CNTROB: variants seen among roughly 807,000 people sequenced by gnomAD.
The protein encoded by CNTROB is centrobin.
Under a neutral mutation model 115.7 loss-of-function variants are expected in CNTROB, and 82 were observed. That is an observed-to-expected ratio of 0.71 (90% CI 0.59 to 0.85). CNTROB has a LOEUF of 0.85. Ranked by LOEUF, CNTROB falls within the 40% of genes least tolerant of loss-of-function variation. CNTROB has a pLI of 0.00. For synonymous variants in CNTROB, 439 were observed against 456.4 expected, an observed-to-expected ratio of 0.96 and a Z score of 0.49; for missense variants, 1,014 against 1,144.4, an observed-to-expected ratio of 0.89 and a Z score of 1.64.
rs1368930397 is a variant in CNTROB at position 7,943,296 on chromosome 17, G to A, written c.1312-95G>A. 1.2e-6 allele frequency: 1 copy of A among 858,368 alleles called. No homozygotes were observed. The highest frequency in any genetic ancestry group is 1.8e-6 in the Non-Finnish European group (1 of 555,868). The allele number at this position is 858,368 out of a possible 1,614,324, so 53.2% of individuals were successfully genotyped here. A position where few individuals can be genotyped will look rare whatever the true frequency, so the allele number is the denominator to read the frequency against. ...TTCTTGTTCTTCATCTCATATGAGG[G>A]GAAAGTTGGTACTGGATTTTGTCTA... On this transcript the variant is annotated intron_variant, in intron 9 of 18. Transcript: ENST00000563694. This position sits in a 1 kb window ranked among gnomAD's most constrained non-coding sequence, Gnocchi z 4.7.
chr17:7,932,111 G>T, upstream of CNTROB: 1 of 509,146 alleles, frequency 2.0e-6, no homozygotes, highest in Admixed American at 3.4e-5. Flanking sequence ...GCGCACGCGC[G>T]GCCAGGCGCT....
At chr17:7,947,540 T>A in intron 13 of CNTROB, 31 bp from the exon 14 acceptor site, 1 of 1,571,182 alleles carries the variant, frequency 6.4e-7, no homozygotes, top group South Asian at 1.2e-5. Flanking sequence ...TGAACACACT[T>A]GCACCCACCC....
At chr17:7,934,850 T>C (rs1972952102) in intron 3 of CNTROB, 139 bp from the exon 4 acceptor site, 1 of 942,196 alleles carries the variant, frequency 1.1e-6, no homozygotes, top group Non-Finnish European at 1.6e-6. Context: ...TATAGCACTA[T>C]GGTTATATAG....
Position 7,948,810 on chromosome 17 carries a change from T to G in CNTROB, c.2513+191T>G. On this transcript the variant is annotated intron_variant, in intron 17 of 18. Transcript: ENST00000563694. This position sits in a 1 kb window ranked among gnomAD's most constrained non-coding sequence, Gnocchi z 4.4. ...CTTTTATCTCCTCCTTTCTATTGCT[T>G]TTTTCTTCTAAACAAAAAAATCTTT... The G allele has an allele frequency of 6.8e-7, 1 of 1,477,084 alleles. No individual in the cohort carries two copies. Among genetic ancestry groups the G allele is most frequent in the Non-Finnish European group, 9.0e-7 (1 of 1,113,746 alleles). 91.5% of individuals were successfully genotyped at this position (1,477,084 alleles called of 1,614,324 possible).
At position 7,948,787 on chromosome 17, in the gene CNTROB, T is replaced by C; in HGVS notation, c.2513+168T>C. 6.5e-7 allele frequency: 1 copy of C among 1,534,736 alleles called. No homozygotes were observed. Among genetic ancestry groups the C allele is most frequent in the Non-Finnish European group, 8.8e-7 (1 of 1,137,958 alleles). The stretch of plus-strand genomic sequence containing the variant: ...TTCTCTAACTGCCCCACACTTTTCT[T>C]TTATCTCCTCCTTTCTATTGCTTTT... On this transcript the variant is annotated intron_variant, in intron 17 of 18. Coordinates refer to ENST00000563694, the MANE Select transcript of CNTROB (RefSeq NM_053051.5). The surrounding 1 kb of genome is among the most constrained non-coding windows in gnomAD (Gnocchi z 4.4).
chr17:7,945,670 T>G (rs982225461), intron 12 of CNTROB, 58 bp from the exon 13 acceptor site: 2 of 1,543,652 alleles, frequency 1.3e-6, no homozygotes, highest in Non-Finnish European at 1.8e-6. Flanking sequence ...TTGTACCATG[T>G]CTTATCTCTT....
In CNTROB at chr17:7,949,672, A is replaced by T. The variant is rs1276324910; in HGVS notation, c.*162A>T. 1 of 590,868 alleles carries T rather than the reference A, an allele frequency of 1.7e-6. No homozygotes were observed. The highest frequency in any genetic ancestry group is 2.7e-6 in the Non-Finnish European group (1 of 364,996). 36.6% of individuals were successfully genotyped at this position (590,868 alleles called of 1,614,324 possible). A position where few individuals can be genotyped will look rare whatever the true frequency, so the allele number is the denominator to read the frequency against. The stretch of plus-strand genomic sequence containing the variant: ...ACATTTGGTTGAGTACTTTTTTTAT[A>T]TGTTACATGTTTATATGTCATTTCC... On this transcript the variant is annotated 3_prime_UTR_variant, in exon 19 of 19. Transcript: ENST00000563694.
At chr17:7,938,631 T>G (rs1041091297) in intron 7 of CNTROB, among the ~76,000 whole-genome samples, 3 of 152,176 alleles carry the variant, frequency 2.0e-5, no homozygotes, top group Non-Finnish European at 4.4e-5. Flanking sequence ...CCTGTTATGA[T>G]CTCCAGTTTA....
chr17:7,946,047 G>A (rs781339444), intron 13 of CNTROB, 61 bp downstream of exon 13: 146 of 1,451,002 alleles, frequency 1.0e-4, no homozygotes, highest in Admixed American at 2.2e-4. Flanking sequence ...TCCCTCTTTC[G>A]TACCCTGCTT....
At chr17:7,945,667 A>AT in intron 12 of CNTROB, 61 bp from the exon 13 acceptor site, 2 of 1,521,810 alleles carry the variant, frequency 1.3e-6, no homozygotes. Flanking sequence ...TGTTTGTACC[A>AT]TGTCTTATCT....
chr17:7,942,440 A>G (rs1486039329), intron 9 of CNTROB, among the ~76,000 whole-genome samples: 1 of 151,790 alleles, frequency 6.6e-6, no homozygotes, highest in Non-Finnish European at 1.5e-5. Context: ...TACTAAAAAT[A>G]CAAAAAATTA....
intron 7 of CNTROB, among the ~76,000 whole-genome samples, chr17:7,938,162 C>G (rs532381789): frequency 6.6e-6 from 1 of 152,194 alleles, no homozygotes; most frequent in South Asian, 2.1e-4. Flanking sequence ...ACCACCACGC[C>G]TAGCTAATTT....
chr17:7,947,790 G>A (rs1974731251), intron 14 of CNTROB, 68 bp downstream of exon 14: 2 of 1,601,516 alleles, frequency 1.2e-6, no homozygotes, highest in African/African-American at 2.7e-5. Flanking sequence ...TTCTGCTCTG[G>A]GAATCCAGGA....
intron 4 of CNTROB, 128 bp downstream of exon 4, chr17:7,935,273 G>A: frequency 1.4e-6 from 2 of 1,407,730 alleles, no homozygotes; most frequent in Non-Finnish European, 2.0e-6. Flanking sequence ...GGAGGCTGAG[G>A]CAGGCGGATC....
At chr17:7,941,963 CA>C (rs59403978) in intron 9 of CNTROB, among the ~76,000 whole-genome samples, 76,454 of 137,706 alleles carry the variant, frequency 0.56, 20,120 homozygotes, top group East Asian at 0.77. Flanking sequence ...GACCGAGTCT[CA>C]AAAAAAAAAA....
chr17:7,943,437 T>G lies in CNTROB; in HGVS notation c.1358T>G (p.Val453Gly), dbSNP rs1598097152. 1 of 1,613,896 alleles carries G rather than the reference T, an allele frequency of 6.2e-7. No homozygotes were observed. The highest frequency in any genetic ancestry group is 1.3e-5 in the African/African-American group (1 of 75,052). ...QRIQLESELA[V>G]QLEQRVTERL... ...ATCCAGCTGGAGTCGGAGCTGGCTG[T>G]GCAGCTGGAGCAGCGGGTGACAGAG... Residue 453 changes from valine (V) to glycine (G), a missense_variant, in exon 10 of 19, where the codon GTG (valine) becomes GGG (glycine). Physicochemically the swap from Val to Gly is moderately radical, Grantham distance 109. Coordinates refer to ENST00000563694, the MANE Select transcript of CNTROB (RefSeq NM_053051.5). This position sits in a 1 kb window ranked among gnomAD's most constrained non-coding sequence, Gnocchi z 4.7.
At chr17:7,934,086 T>C in intron 1 of CNTROB, 52 bp from the exon 2 acceptor site, 1 of 1,471,712 alleles carries the variant, frequency 6.8e-7, no homozygotes, top group Non-Finnish European at 9.5e-7. Flanking sequence ...TGGCAATAGG[T>C]AGGAGATAGA....
At chr17:7,949,210 C>T (rs7211792) in intron 18 of CNTROB, 53 bp downstream of exon 18, 790,970 of 1,575,288 alleles carry the variant, frequency 0.5, 204,942 homozygotes, top group East Asian at 0.75. Context: ...CACTGACCAG[C>T]TCCTTCACCT....
Position 7,939,558 on chromosome 17 carries a change from C to A in CNTROB, c.973C>A (p.Gln325Lys). The A allele has an allele frequency of 6.2e-7, 1 of 1,614,134 alleles. No individual in the cohort carries two copies. The highest frequency in any genetic ancestry group is 8.5e-7 in the Non-Finnish European group (1 of 1,180,014). The stretch of plus-strand genomic sequence containing the variant: ...GACTCTGAGGTTGGAGGCAGAACAG[C>A]AGCGGTGCTGTGTCCTGCAGGAAGA... ...ALTLRLEAEQ[Q>K]RCCVLQEERD... The change falls in exon 8 of 19, where the codon CAG becomes AAG. Residue 325 changes from glutamine (Q) to lysine (K), a missense_variant. Physicochemically the swap from Gln to Lys is moderately conservative, Grantham distance 53. Transcript: ENST00000563694. The surrounding 1 kb of genome is among the most constrained non-coding windows in gnomAD (Gnocchi z 4.4).
Sources: gnomAD v4.1 joint callset for allele counts (sites outside exome capture counted in the v4.1 genomes callset) on GRCh38, gnomAD v4.1.1 for gene constraint, Gnocchi (gnomAD v3.1) non-coding constraint, MANE v1.5 for transcripts, NCBI Gene and HGNC (gene_info 2026-07-23, HGNC 2026-07-21) for gene names.